TMEM266: variants seen among roughly 807,000 people sequenced by gnomAD.
TMEM266 encodes transmembrane protein 266.
TMEM266 carries 33 observed loss-of-function variants against 50.5 expected under a neutral mutation model. That is an observed-to-expected ratio of 0.65 (90% CI 0.50 to 0.87). TMEM266 has a LOEUF of 0.87. Among genes scored for constraint, TMEM266 ranks in the 40% least tolerant of loss-of-function variants. TMEM266 has a pLI of 0.00. For synonymous variants in TMEM266, 310 were observed against 292.3 expected (o/e 1.06, Z -0.62); for missense variants, 655 against 695.1 (o/e 0.94, Z 0.65).
intron 1 of TMEM266, among the ~76,000 whole-genome samples, chr15:76,115,565 G>A (rs920882399): frequency 6.6e-6 from 1 of 152,102 alleles, no homozygotes; most frequent in Non-Finnish European, 1.5e-5. Context: ...GGAGGGGGTC[G>A]CATGCCCCAT....
chr15:76,159,485 T>C (rs2037981330), intron 4 of TMEM266, among the ~76,000 whole-genome samples: 1 of 152,142 alleles, frequency 6.6e-6, no homozygotes, highest in South Asian at 2.1e-4. Flanking sequence ...CTCATCCCAC[T>C]GGCTCTGCCA....
intron 3 of TMEM266, among the ~76,000 whole-genome samples, chr15:76,146,986 A>G (rs1052673052): frequency 6.6e-6 from 1 of 152,248 alleles, no homozygotes; most frequent in African/African-American, 2.4e-5. Flanking sequence ...TTGACTGATC[A>G]AGGAATGACT....
At chr15:76,092,087 A>C (rs989990067) in intron 1 of TMEM266, among the ~76,000 whole-genome samples, 5 of 152,116 alleles carry the variant, frequency 3.3e-5, no homozygotes, top group African/African-American at 9.6e-5. Context: ...GAGCGATATG[A>C]TAGAGTATAA....
chr15:76,153,387 A>G lies in TMEM266; in HGVS notation c.228-3217A>G, dbSNP rs2037873308. 6.6e-6 allele frequency among the ~76,000 whole-genome samples: 1 copy of G among 152,222 alleles called. No individual in the cohort carries two copies. On this transcript the variant is annotated intron_variant, in intron 3 of 10. Transcript: ENST00000388942. This position sits in a 1 kb window ranked among gnomAD's most constrained non-coding sequence, Gnocchi z 4.2. ...TGCCCGGCACCTTCCGTGGAACGTGAAGACGAGGCTTCCTGCTGGCCAGCC... is the reference window on the plus strand; with the variant it reads ...TGCCCGGCACCTTCCGTGGAACGTGGAGACGAGGCTTCCTGCTGGCCAGCC...
At chr15:76,159,027 G>C (rs72736828) in intron 4 of TMEM266, among the ~76,000 whole-genome samples, 21,296 of 152,252 alleles carry the variant, frequency 0.14, 1,944 homozygotes, top group Admixed American at 0.24. Context: ...GCCCTGGGGG[G>C]GGTTCTGAGC....
intron 1 of TMEM266, among the ~76,000 whole-genome samples, chr15:76,127,172 G>A (rs1361039923): frequency 6.6e-6 from 1 of 152,038 alleles, no homozygotes; most frequent in Non-Finnish European, 1.5e-5. Context: ...CTTGATTGTG[G>A]TAATCATTTC....
rs767370332 is a variant in TMEM266 at position 76,192,033 on chromosome 15, A to G, written c.834A>G (p.Glu278=). ...ACCTGGACCTGGCTGCCGAGCGCGA[A>G]GCGGCGCTCCAGGCCCCGCACGTGC... Residue 278 remains glutamate (E), a synonymous_variant, in exon 9 of 11, where the codon GAA becomes GAG. Coordinates refer to ENST00000388942, the MANE Select transcript of TMEM266 (RefSeq NM_152335.3). 6 of 1,566,358 alleles carry G rather than the reference A, an allele frequency of 3.8e-6. No individual in the cohort carries two copies. Among genetic ancestry groups the G allele is most frequent in the Non-Finnish European group, 5.2e-6 (6 of 1,162,200 alleles).
At chr15:76,157,908 A>G (rs1051972037) in intron 4 of TMEM266, among the ~76,000 whole-genome samples, 7 of 152,172 alleles carry the variant, frequency 4.6e-5, no homozygotes, top group Admixed American at 2.0e-4. Flanking sequence ...GGATCATTTG[A>G]GCCTGGGAGG....
chr15:76,184,139 G>C (rs933121807), intron 8 of TMEM266, among the ~76,000 whole-genome samples: 14 of 152,226 alleles, frequency 9.2e-5, no homozygotes, highest in African/African-American at 1.2e-4. Context: ...GGGGCTTGAG[G>C]CTGGCTCATT....
chr15:76,156,730 A>G lies in TMEM266; in HGVS notation c.354A>G (p.Glu118=). 6.2e-7 allele frequency: 1 copy of G among 1,614,140 alleles called. No homozygotes were observed. Among genetic ancestry groups the G allele is most frequent in the East Asian group, 2.2e-5 (1 of 44,890 alleles). ...TGGTGGTGATTCTCCTGACTCTGGAACTTCTAATAGATATAAAGCTTCTCC... is the reference window on the plus strand; with the variant it reads ...TGGTGGTGATTCTCCTGACTCTGGAGCTTCTAATAGATATAAAGCTTCTCC... Residue 118 remains glutamate, a synonymous_variant, in exon 4 of 11, where the codon GAA becomes GAG. Transcript: ENST00000388942.
chr15:76,171,162 G>A (rs749273011), intron 7 of TMEM266, 31 bp downstream of exon 7: 2 of 1,607,208 alleles, frequency 1.2e-6, no homozygotes, highest in South Asian at 1.1e-5. Context: ...GTGGTCAGTG[G>A]GGCTGCTCCA....
Position 76,191,918 on chromosome 15 carries a change from C to T in TMEM266, c.769-50C>T, listed in dbSNP as rs769807005. Reference sequence around the variant, plus strand: ...AGCGCCCAGAGGTCAGGCTGGAGGCCCCCGCCGGCCCCTCGCCGCTGATTC... The same window carrying T: ...AGCGCCCAGAGGTCAGGCTGGAGGCTCCCGCCGGCCCCTCGCCGCTGATTC... On this transcript the variant is annotated intron_variant, in intron 8 of 10. Coordinates refer to ENST00000388942, the MANE Select transcript of TMEM266 (RefSeq NM_152335.3). 9 of 1,504,170 alleles carry T rather than the reference C, an allele frequency of 6.0e-6. No homozygotes were observed. In the Admixed American group the frequency reaches 8.4e-5, roughly 14 times the overall value. The allele number at this position is 1,504,170 out of a possible 1,614,324, so 93.2% of individuals were successfully genotyped here. A position where few individuals can be genotyped will look rare whatever the true frequency, so the allele number is the denominator to read the frequency against.
chr15:76,082,579 C>G lies in TMEM266; in HGVS notation c.-97+22563C>G, dbSNP rs904261277. Among the ~76,000 whole-genome samples, 6 of 152,190 alleles carry G rather than the reference C, an allele frequency of 3.9e-5. No homozygotes were observed. The South Asian group carries it at 6.2e-4, about 16-fold the overall frequency. ...GATGTGAAATAATCAGTTAACACCT[C>G]TGATAGGATGCCTTTACTCATGGCA... On this transcript the variant is annotated intron_variant, in intron 1 of 10. Coordinates refer to ENST00000388942, the MANE Select transcript of TMEM266 (RefSeq NM_152335.3).
At chr15:76,076,469 C>T (rs1230499587) in intron 1 of TMEM266, among the ~76,000 whole-genome samples, 12 of 152,034 alleles carry the variant, frequency 7.9e-5, no homozygotes, top group Admixed American at 7.9e-4. Context: ...AATATTCACA[C>T]GGTCCCTTTA....
At chr15:76,114,510 C>G (rs900635037) in intron 1 of TMEM266, among the ~76,000 whole-genome samples, 1 of 151,912 alleles carries the variant, frequency 6.6e-6, no homozygotes, top group Non-Finnish European at 1.5e-5. Context: ...AGAGTGAGAC[C>G]CTGTCTCAAA....
intron 1 of TMEM266, among the ~76,000 whole-genome samples, chr15:76,066,715 G>A (rs567459781): frequency 4.4e-4 from 67 of 151,932 alleles, no homozygotes; most frequent in African/African-American, 1.6e-3. Flanking sequence ...AGTTTTCATC[G>A]GCATCTGCTG....
intron 9 of TMEM266, among the ~76,000 whole-genome samples, chr15:76,200,758 G>C (rs979373486): frequency 6.6e-6 from 1 of 152,194 alleles, no homozygotes; most frequent in Non-Finnish European, 1.5e-5. Flanking sequence ...TACACACAGC[G>C]TATGGATGCC....
rs78378488 is a variant in TMEM266, at chr15:76,152,228, G to A, written c.228-4376G>A. The stretch of plus-strand genomic sequence containing the variant: ...TTGCCCTGGGGTTACCAAGAGGAGG[G>A]GGTGCACAGAGCAAGATGCAAGTGG... On this transcript the variant is annotated intron_variant, in intron 3 of 10. Coordinates refer to ENST00000388942, the MANE Select transcript of TMEM266 (RefSeq NM_152335.3). Among the ~76,000 whole-genome samples, 12 of 152,320 alleles carry A rather than the reference G, an allele frequency of 7.9e-5. No individual in the cohort carries two copies. The East Asian group carries it at 2.3e-3, about 29-fold the overall frequency.
intron 1 of TMEM266, among the ~76,000 whole-genome samples, chr15:76,073,387 C>T (rs1416306676): frequency 1.3e-5 from 2 of 152,008 alleles, no homozygotes; most frequent in African/African-American, 4.8e-5. Flanking sequence ...TACCCGCCAC[C>T]ATGCCTGGCT....
Sources: gnomAD v4.1 joint callset for allele counts (sites outside exome capture counted in the v4.1 genomes callset) on GRCh38, gnomAD v4.1.1 for gene constraint, Gnocchi (gnomAD v3.1) non-coding constraint, MANE v1.5 for transcripts, NCBI Gene and HGNC (gene_info 2026-07-23, HGNC 2026-07-21) for gene names.